The following AGAP1 variants were observed in gnomAD, a reference collection of about 807,000 sequenced individuals.
AGAP1 encodes arf-GAP with GTPase, ANK repeat and PH domain-containing protein 1.
AGAP1 carries 29 observed loss-of-function variants against 105.3 expected under a neutral mutation model. The ratio of observed to expected loss-of-function variants is 0.28; its 90% CI spans 0.21 to 0.38. AGAP1 has a LOEUF of 0.38. AGAP1 is among the 10% of genes least tolerant of loss of function. AGAP1 has a pLI of 1.00. For missense variants in AGAP1, 998 were observed against 1,165.1 expected (o/e 0.86, Z 2.09); for synonymous variants, 509 against 485.9 (o/e 1.05, Z -0.63).
At position 236,027,259 on chromosome 2, in the gene AGAP1, G is replaced by A. The variant is rs569090940; in HGVS notation, c.1646-9302G>A. Reference sequence around the variant, plus strand: ...ATTACCCTCCCTCAAAATAAAAAATGAAGCCACCTAAAGACAGGATCCTGG... The same window carrying A: ...ATTACCCTCCCTCAAAATAAAAAATAAAGCCACCTAAAGACAGGATCCTGG... On this transcript the variant is annotated intron_variant, in intron 13 of 17. Transcript: ENST00000304032. This position sits in a 1 kb window ranked among gnomAD's most constrained non-coding sequence, Gnocchi z 4.4. Among the ~76,000 whole-genome samples, 1 of 152,114 alleles carries A rather than the reference G, an allele frequency of 6.6e-6. No homozygotes were observed. Among genetic ancestry groups the A allele is most frequent in the Non-Finnish European group, 1.5e-5 (1 of 68,020 alleles).
intron 10 of AGAP1, among the ~76,000 whole-genome samples, chr2:235,885,091 G>C (rs886468939): frequency 2.6e-5 from 4 of 152,176 alleles, no homozygotes; most frequent in African/African-American, 9.7e-5. Flanking sequence ...ATAGCATATT[G>C]AAGAAAATTA....
At chr2:235,762,110 C>CAAAA (rs200107455) in intron 6 of AGAP1, among the ~76,000 whole-genome samples, 2 of 100,996 alleles carry the variant, frequency 2.0e-5, no homozygotes, top group African/African-American at 3.9e-5. Flanking sequence ...AACTCCGTCT[C>CAAAA]AAAAAAAAAA....
rs1952043143 is a variant in AGAP1, at chr2:235,733,078, G to T, written c.311-7885G>T. ...GTTGAAAGAGTCTGCCCTTCTTTAG[G>T]GACCAGGGCTCTGCTCTTCCTGGGA... On this transcript the variant is annotated intron_variant, in intron 3 of 17. Coordinates refer to ENST00000304032, the MANE Select transcript of AGAP1 (RefSeq NM_001037131.3). This position sits in a 1 kb window ranked among gnomAD's most constrained non-coding sequence, Gnocchi z 5.0. 6.6e-6 allele frequency among the ~76,000 whole-genome samples: 1 copy of T among 152,128 alleles called. No homozygotes were observed.
chr2:235,649,261 G>A (rs1405740774), intron 1 of AGAP1, among the ~76,000 whole-genome samples: 4 of 152,294 alleles, frequency 2.6e-5, no homozygotes, highest in African/African-American at 9.6e-5. Flanking sequence ...TAGAGGCCAT[G>A]TTTATGCACA....
chr2:235,543,385 C>G (rs1427960850), intron 1 of AGAP1, among the ~76,000 whole-genome samples: 1 of 152,182 alleles, frequency 6.6e-6, no homozygotes, highest in Non-Finnish European at 1.5e-5. Context: ...AGAGTTGAAT[C>G]AGAGCCTGGA....
chr2:236,076,924 G>T lies in AGAP1; in HGVS notation c.2114+27643G>T, dbSNP rs891842401. On this transcript the variant is annotated intron_variant, in intron 16 of 17. Transcript: ENST00000304032. The surrounding 1 kb of genome is among the most constrained non-coding windows in gnomAD (Gnocchi z 4.4). ...AGTTCAAGACCAGCCAGGGCAACAT[G>T]GCAAAACCCTGTCACTACAGAAAAT... 6.6e-6 allele frequency among the ~76,000 whole-genome samples: 1 copy of T among 151,354 alleles called. No individual in the cohort carries two copies. Among genetic ancestry groups the T allele is most frequent in the African/African-American group, 2.4e-5 (1 of 41,206 alleles).
At position 236,131,526 on chromosome 2, in the gene AGAP1, CTT is replaced by C. The variant is rs1296205621; in HGVS notation, c.*7406_*7407del. The C allele has an allele frequency of 5.3e-5, 8 of 152,072 alleles. No individual in the cohort carries two copies. The highest frequency in any genetic ancestry group is 5.2e-4 in the Admixed American group (8 of 15,266). 9.4% of individuals were successfully genotyped at this position (152,072 alleles called of 1,614,324 possible). A position where few individuals can be genotyped will look rare whatever the true frequency, so the allele number is the denominator to read the frequency against. On this transcript the variant is annotated 3_prime_UTR_variant, in exon 18 of 18. Transcript: ENST00000304032. This position sits in a 1 kb window ranked among gnomAD's most constrained non-coding sequence, Gnocchi z 5.9. ...TGTTTTCTATTACCTCATTCAGCAA[CTT>C]TATGTTTCACAATGACTCAATGATG...
intron 13 of AGAP1, among the ~76,000 whole-genome samples, chr2:236,016,037 A>T (rs1473462293): frequency 9.6e-5 from 8 of 83,024 alleles, no homozygotes; most frequent in African/African-American, 6.4e-4. Context: ...CTCAGCCAGG[A>T]AAAAAAAGAA....
At position 235,610,200 on chromosome 2, in the gene AGAP1, C is replaced by A. The variant is rs1056395140; in HGVS notation, c.164-98979C>A. Among the ~76,000 whole-genome samples, 6 of 152,164 alleles carry A rather than the reference C, an allele frequency of 3.9e-5. No homozygotes were observed. Among genetic ancestry groups the A allele is most frequent in the Admixed American group, 3.9e-4 (6 of 15,282 alleles). ...TGCTACCCGATAGAGCCACAGTCAT[C>A]CTGTGTGCCTGCTTGAGTCTGCACC... On this transcript the variant is annotated intron_variant, in intron 1 of 17. Transcript: ENST00000304032. This position sits in a 1 kb window ranked among gnomAD's most constrained non-coding sequence, Gnocchi z 4.9.
chr2:235,682,436 G>A (rs552752484), intron 1 of AGAP1, among the ~76,000 whole-genome samples: 1 of 151,846 alleles, frequency 6.6e-6, no homozygotes, highest in Non-Finnish European at 1.5e-5. Flanking sequence ...TCTGCCTCCC[G>A]GGTTCAAGAG....
intron 9 of AGAP1, among the ~76,000 whole-genome samples, chr2:235,870,209 G>A (rs188619502): frequency 5.3e-5 from 8 of 152,118 alleles, no homozygotes; most frequent in South Asian, 4.2e-4. Flanking sequence ...TGGCCTTGTC[G>A]TCTACACCAG....
intron 1 of AGAP1, among the ~76,000 whole-genome samples, chr2:235,704,555 A>G (rs60788352): frequency 0.076 from 11,620 of 152,256 alleles, 1,456 homozygotes; most frequent in African/African-American, 0.26. Flanking sequence ...CTGAGGCAGG[A>G]GAATCTCTTG....
chr2:235,907,836 A>C (rs897108877), intron 10 of AGAP1, among the ~76,000 whole-genome samples: 1 of 152,094 alleles, frequency 6.6e-6, no homozygotes, highest in East Asian at 1.9e-4. Context: ...ATTTTTTTTA[A>C]TTGTTATATT....
In AGAP1 at chr2:235,692,263, G is replaced by A. The variant is rs984299307; in HGVS notation, c.164-16916G>A. On this transcript the variant is annotated intron_variant, in intron 1 of 17. Transcript: ENST00000304032. This position sits in a 1 kb window ranked among gnomAD's most constrained non-coding sequence, Gnocchi z 5.8. ...CCCGCTGCCTTGCACCTGTTCCTCT[G>A]GCCTCGCCTCTGTAACAGAACGTGG... 1.3e-5 allele frequency among the ~76,000 whole-genome samples: 2 copies of A among 152,024 alleles called. No individual in the cohort carries two copies. The highest frequency in any genetic ancestry group is 2.9e-5 in the Non-Finnish European group (2 of 68,018).
rs960282391 is a variant in AGAP1 at position 235,620,220 on chromosome 2, A to C, written c.164-88959A>C. 6.6e-6 allele frequency among the ~76,000 whole-genome samples: 1 copy of C among 152,166 alleles called. No individual in the cohort carries two copies. Among genetic ancestry groups the C allele is most frequent in the East Asian group, 1.9e-4 (1 of 5,180 alleles). On this transcript the variant is annotated intron_variant, in intron 1 of 17. Coordinates refer to ENST00000304032, the MANE Select transcript of AGAP1 (RefSeq NM_001037131.3). This position sits in a 1 kb window ranked among gnomAD's most constrained non-coding sequence, Gnocchi z 4.5. ...TGCCTTCAAAGTATATCCAGGATGC[A>C]GTGGCTTCCTGAGCCACCTCAGCCA... is the stretch of plus-strand genomic sequence containing the variant.
Position 236,082,227 on chromosome 2 carries a change from T to C in AGAP1, c.2114+32946T>C, listed in dbSNP as rs1294542636. Among the ~76,000 whole-genome samples the C allele has an allele frequency of 3.9e-5, 6 of 152,244 alleles. No individual in the cohort carries two copies. The highest frequency in any genetic ancestry group is 2.0e-4 in the Admixed American group (3 of 15,284). On this transcript the variant is annotated intron_variant, in intron 16 of 17. Transcript: ENST00000304032. This position sits in a 1 kb window ranked among gnomAD's most constrained non-coding sequence, Gnocchi z 4.2. ...CAGCTTCAATCAGTGCCAAATTCAATTGGCTTCTGATCTCATCGCTGGAAG... is the reference window on the plus strand; with the variant it reads ...CAGCTTCAATCAGTGCCAAATTCAACTGGCTTCTGATCTCATCGCTGGAAG...
chr2:235,795,215 C>T (rs768109236), intron 6 of AGAP1, among the ~76,000 whole-genome samples: 5 of 152,128 alleles, frequency 3.3e-5, no homozygotes, highest in Admixed American at 2.6e-4. Flanking sequence ...GGAAGGACTG[C>T]GGATGTCTTG....
intron 17 of AGAP1, among the ~76,000 whole-genome samples, chr2:236,122,397 G>A (rs186272076): frequency 1.9e-3 from 286 of 152,242 alleles, no homozygotes; most frequent in African/African-American, 5.0e-3. Flanking sequence ...GGGAGCGGGG[G>A]ACACAGTTAT....
chr2:235,723,601 G>C lies in AGAP1; in HGVS notation c.310+5957G>C, dbSNP rs571747146. ...GGCACCCTGGGCCATGGGCCCTCCC[G>C]AGCTGTGCAGGTTAGCTTGTGTGCC... On this transcript the variant is annotated intron_variant, in intron 3 of 17. Coordinates refer to ENST00000304032, the MANE Select transcript of AGAP1 (RefSeq NM_001037131.3). The surrounding 1 kb of genome is among the most constrained non-coding windows in gnomAD (Gnocchi z 6.2). 1.2e-4 allele frequency among the ~76,000 whole-genome samples: 18 copies of C among 152,284 alleles called. No homozygotes were observed. Among genetic ancestry groups the C allele is most frequent in the Admixed American group, 2.0e-4 (3 of 15,306 alleles).
Sources: gnomAD v4.1 joint callset for allele counts (sites outside exome capture counted in the v4.1 genomes callset) on GRCh38, gnomAD v4.1.1 for gene constraint, Gnocchi (gnomAD v3.1) non-coding constraint, MANE v1.5 for transcripts, NCBI Gene and HGNC (gene_info 2026-07-23, HGNC 2026-07-21) for gene names.